GABPB1: variants seen among roughly 807,000 people sequenced by gnomAD.
GABPB1 encodes GA-binding protein subunit beta-1.
A neutral mutation model predicts 45.9 loss-of-function variants in GABPB1; 15 were observed. That is an observed-to-expected ratio of 0.33 (90% CI 0.22 to 0.50). The LOEUF (loss-of-function observed/expected upper bound fraction) is 0.50. Among genes scored for constraint, GABPB1 ranks in the 20% least tolerant of loss-of-function variants. GABPB1 has a pLI of 0.98. For missense variants in GABPB1, 252 were observed against 457.5 expected (o/e 0.55, Z 4.10); for synonymous variants, 143 against 154.4 (o/e 0.93, Z 0.55).
intron 1 of GABPB1, among the ~76,000 whole-genome samples, chr15:50,333,046 CTTAATAACTTA>C (rs2047999260): frequency 6.6e-6 from 1 of 151,368 alleles, no homozygotes. Flanking sequence ...AGTTTATTGG[CTTAATAACTTA>C]TTAATAACTT....
chr15:50,297,014 G>T (rs976104076), intron 6 of GABPB1, among the ~76,000 whole-genome samples: 1 of 145,226 alleles, frequency 6.9e-6, no homozygotes, highest in Non-Finnish European at 1.5e-5. Context: ...AGGTTCAAGC[G>T]ATTCTCCTGT....
At chr15:50,294,812 T>C (rs2046459339) in intron 6 of GABPB1, among the ~76,000 whole-genome samples, 1 of 152,154 alleles carries the variant, frequency 6.6e-6, no homozygotes, top group Admixed American at 6.5e-5. Context: ...ACCCCTGTTT[T>C]GACACATAAG....
At chr15:50,298,515 T>G (rs145066425) in intron 6 of GABPB1, among the ~76,000 whole-genome samples, 1 of 152,332 alleles carries the variant, frequency 6.6e-6, no homozygotes, top group Non-Finnish European at 1.5e-5. Context: ...GCATAGGTTA[T>G]AAAAGCAGCA....
At chr15:50,338,932 G>A (rs902438172) in intron 1 of GABPB1, among the ~76,000 whole-genome samples, 15 of 152,136 alleles carry the variant, frequency 9.9e-5, no homozygotes, top group South Asian at 2.1e-4. Context: ...AGGCCAAGGC[G>A]GGCAGATCAC....
intron 1 of GABPB1, among the ~76,000 whole-genome samples, chr15:50,332,738 T>A (rs2033115): frequency 0.49 from 74,677 of 151,814 alleles, 19,467 homozygotes; most frequent in Middle Eastern, 0.66. Flanking sequence ...ATATTTAAAA[T>A]TTTCCATAAG....
chr15:50,300,733 C>T (rs550464998), intron 6 of GABPB1, 56 bp downstream of exon 6: 187 of 1,100,970 alleles, frequency 1.7e-4, no homozygotes, highest in African/African-American at 8.5e-4. Context: ...GTGTGAGCCA[C>T]GGCACCCAGC....
chr15:50,301,100 C>A, intron 5 of GABPB1, 157 bp downstream of exon 5: 2 of 1,129,776 alleles, frequency 1.8e-6, no homozygotes, highest in Non-Finnish European at 2.5e-6. Context: ...GCCAGTTATA[C>A]CAAAGAAAAC....
intron 1 of GABPB1, among the ~76,000 whole-genome samples, chr15:50,312,087 G>C (rs1326782449): frequency 6.6e-6 from 1 of 152,110 alleles, no homozygotes; most frequent in African/African-American, 2.4e-5. Flanking sequence ...GCTTACACCT[G>C]TAATCCCACC....
intron 1 of GABPB1, among the ~76,000 whole-genome samples, chr15:50,320,470 T>C (rs1420626938): frequency 6.6e-6 from 1 of 152,150 alleles, no homozygotes; most frequent in African/African-American, 2.4e-5. Context: ...TCAAAGGCAA[T>C]CCTCTTGTTT....
intron 6 of GABPB1, among the ~76,000 whole-genome samples, chr15:50,296,942 C>G (rs1429404265): frequency 6.8e-6 from 1 of 146,448 alleles, no homozygotes; most frequent in Non-Finnish European, 1.5e-5. Flanking sequence ...ACAGAGTCTC[C>G]CTGTGTTGCC....
chr15:50,313,644 A>T (rs1382201364), intron 1 of GABPB1, among the ~76,000 whole-genome samples: 1 of 152,180 alleles, frequency 6.6e-6, no homozygotes, highest in African/African-American at 2.4e-5. Context: ...AAAAAAATGC[A>T]GTAATTTAAC....
intron 1 of GABPB1, among the ~76,000 whole-genome samples, chr15:50,315,016 A>G (rs1246083411): frequency 6.6e-6 from 1 of 152,202 alleles, no homozygotes; most frequent in Non-Finnish European, 1.5e-5. Context: ...GTGCTCAAGT[A>G]TTTACATATT....
At chr15:50,342,243 T>A (rs989236038) in intron 1 of GABPB1, among the ~76,000 whole-genome samples, 1 of 152,172 alleles carries the variant, frequency 6.6e-6, no homozygotes, top group Admixed American at 6.5e-5. Context: ...CATTATTAGA[T>A]AGATTCCATC....
At chr15:50,316,352 G>A (rs141791423) in intron 1 of GABPB1, among the ~76,000 whole-genome samples, 221 of 152,210 alleles carry the variant, frequency 1.5e-3, no homozygotes, top group Non-Finnish European at 2.5e-3. Flanking sequence ...TGAGGATTAT[G>A]GCATGTACTA....
chr15:50,300,172 A>T (rs976710100), intron 6 of GABPB1, among the ~76,000 whole-genome samples: 2 of 152,046 alleles, frequency 1.3e-5, no homozygotes, highest in African/African-American at 4.8e-5. Flanking sequence ...AGACAGGGAC[A>T]TTTTTTTCTG....
chr15:50,301,346 T>C lies in GABPB1; in HGVS notation c.494A>G (p.Asn165Ser), dbSNP rs750411468. The C allele has an allele frequency of 7.4e-6, 12 of 1,613,374 alleles. No homozygotes were observed. Among genetic ancestry groups the C allele is most frequent in the Non-Finnish European group, 9.3e-6 (11 of 1,179,690 alleles). Residue 165 changes from asparagine (N) to serine (S), a missense_variant, in exon 5 of 9, where the codon AAC (asparagine) becomes AGC (serine). Physicochemically the swap from Asn to Ser is conservative, Grantham distance 46. Transcript: ENST00000380877. ...AGTGTCAGGACTCTCTGGGTTTGTGTTGATTTGGTTCTGCATAGCAATCTA... is the reference window on the plus strand; with the variant it reads ...AGTGTCAGGACTCTCTGGGTTTGTGCTGATTTGGTTCTGCATAGCAATCTA... ...ILQIAMQNQINTNPESPDTVT... is the reference protein window; with the variant it reads ...ILQIAMQNQISTNPESPDTVT...
intron 1 of GABPB1, among the ~76,000 whole-genome samples, chr15:50,329,868 A>G (rs2047891839): frequency 1.3e-5 from 2 of 150,562 alleles, no homozygotes; most frequent in South Asian, 4.2e-4. Flanking sequence ...ACAAATTTGC[A>G]TATATTCATA....
At chr15:50,344,613 G>A (rs973982614) in intron 1 of GABPB1, among the ~76,000 whole-genome samples, 6 of 152,162 alleles carry the variant, frequency 3.9e-5, no homozygotes, top group African/African-American at 1.4e-4. Context: ...GGCCGAGGAG[G>A]GCGGCACCTG....
chr15:50,325,796 G>T (rs2047734959), intron 1 of GABPB1, among the ~76,000 whole-genome samples: 1 of 152,112 alleles, frequency 6.6e-6, no homozygotes, highest in Non-Finnish European at 1.5e-5. Context: ...CTCCCAAAGT[G>T]CTGGGATTAC....
Sources: gnomAD v4.1 joint callset for allele counts (sites outside exome capture counted in the v4.1 genomes callset) on GRCh38, gnomAD v4.1.1 for gene constraint, MANE v1.5 for transcripts, NCBI Gene and HGNC (gene_info 2026-07-23, HGNC 2026-07-21) for gene names.